FNIP1: variants seen among roughly 807,000 people sequenced by gnomAD.
FNIP1 encodes the protein folliculin interacting protein 1, also known as folliculin-interacting protein 1.
FNIP1 carries 40 observed loss-of-function variants against 124.5 expected under a neutral mutation model. The observed-to-expected ratio is 0.32, with a 90% CI of 0.25 to 0.42. The LOEUF is 0.42. Among genes scored for constraint, FNIP1 ranks in the 10% least tolerant of loss-of-function variants. The pLI is 1.00. For synonymous variants in FNIP1, 472 were observed against 470.6 expected, an observed-to-expected ratio of 1.00 and a Z score of -0.04; for missense variants, 1,176 against 1,403.7, an observed-to-expected ratio of 0.84 and a Z score of 2.59.
chr5:131,707,515 C>CA (rs992630213), intron 8 of FNIP1, among the ~76,000 whole-genome samples: 2 of 152,108 alleles, frequency 1.3e-5, no homozygotes, highest in African/African-American at 2.4e-5. Flanking sequence ...CTGACAAATT[C>CA]AATGATAGAG....
chr5:131,791,535 A>G (rs1165012709), intron 1 of FNIP1, among the ~76,000 whole-genome samples: 1 of 152,266 alleles, frequency 6.6e-6, no homozygotes, highest in Admixed American at 6.5e-5. Flanking sequence ...AATAGGTTAT[A>G]GCAAACTTAC....
At chr5:131,710,421 T>C (rs1769247796) in intron 7 of FNIP1, among the ~76,000 whole-genome samples, 157 bp downstream of exon 7, 1 of 152,214 alleles carries the variant, frequency 6.6e-6, no homozygotes, top group South Asian at 2.1e-4. Flanking sequence ...ACATGTTCAG[T>C]AGAAAAGGAA....
intron 15 of FNIP1, among the ~76,000 whole-genome samples, chr5:131,669,955 AG>A (rs1046547388): frequency 6.6e-6 from 1 of 152,056 alleles, no homozygotes; most frequent in Admixed American, 6.6e-5. Context: ...CGGGGACAAA[AG>A]GCATCCAGAT....
chr5:131,719,409 C>T lies in FNIP1; in HGVS notation c.363G>A (p.Arg121=). The part of the protein sequence containing the change: ...KDQCLKYQGS[R]CSSDANMLGE... ...CAAGCATATTGGCATCAGAAGAGCA[C>T]CGAGAACCCTAAACAATAACCACAT... Residue 121 remains arginine (R), a synonymous_variant, in exon 4 of 18, where the codon CGG becomes CGA. Coordinates refer to ENST00000510461, the MANE Select transcript of FNIP1 (RefSeq NM_133372.3). The T allele has an allele frequency of 1.2e-6, 2 of 1,610,270 alleles. No homozygotes were observed. Among genetic ancestry groups the T allele is most frequent in the Non-Finnish European group, 1.7e-6 (2 of 1,179,040 alleles).
chr5:131,694,882 A>G (rs1768636162), intron 11 of FNIP1, among the ~76,000 whole-genome samples: 2 of 152,144 alleles, frequency 1.3e-5, no homozygotes, highest in South Asian at 4.1e-4. Flanking sequence ...AGGCACACAG[A>G]TCACTTGAGA....
rs763299680 is a variant in FNIP1, at chr5:131,704,342, T to C, written c.915-76A>G. The C allele has an allele frequency of 5.9e-5, 73 of 1,233,544 alleles. No homozygotes were observed. In the Middle Eastern group the frequency reaches 8.4e-4, roughly 14 times the overall value. 76.4% of individuals were successfully genotyped at this position (1,233,544 alleles called of 1,614,324 possible). On this transcript the variant is annotated intron_variant, in intron 9 of 17. Coordinates refer to ENST00000510461, the MANE Select transcript of FNIP1 (RefSeq NM_133372.3). ...CAATTTAATCTTCTTGCTAATTAAA[T>C]GTAGGTAAGCTAAGTCTTTTGCTGT...
At chr5:131,662,655 C>G (rs1443120658) in intron 15 of FNIP1, among the ~76,000 whole-genome samples, 4 of 150,078 alleles carry the variant, frequency 2.7e-5, no homozygotes, top group African/African-American at 7.4e-5. Flanking sequence ...TTTATTGATT[C>G]TTTTCCCTTC....
At chr5:131,777,651 T>A (rs1357305858) in intron 1 of FNIP1, among the ~76,000 whole-genome samples, 1 of 152,252 alleles carries the variant, frequency 6.6e-6, no homozygotes, top group Middle Eastern at 3.2e-3. Flanking sequence ...AATCATTATT[T>A]TGAAAACTGG....
chr5:131,714,422 T>TA (rs975245731), intron 6 of FNIP1, among the ~76,000 whole-genome samples: 7 of 151,902 alleles, frequency 4.6e-5, no homozygotes, highest in Non-Finnish European at 7.4e-5. Context: ...GGCAAACCGT[T>TA]AAAAAAAACA....
chr5:131,684,359 G>A (rs1261672567), intron 11 of FNIP1, among the ~76,000 whole-genome samples: 2 of 152,140 alleles, frequency 1.3e-5, no homozygotes, highest in South Asian at 4.1e-4. Context: ...GCAAGTGGGT[G>A]AATTCTAAAA....
intron 17 of FNIP1, among the ~76,000 whole-genome samples, chr5:131,645,320 A>C (rs936483497): frequency 3.0e-4 from 45 of 151,870 alleles, no homozygotes; most frequent in African/African-American, 1.1e-3. Flanking sequence ...AAAAAAAAAA[A>C]AAAACAAAGA....
intron 1 of FNIP1, among the ~76,000 whole-genome samples, chr5:131,784,688 A>G (rs1473792812): frequency 6.6e-6 from 1 of 151,548 alleles, no homozygotes; most frequent in East Asian, 1.9e-4. Context: ...TGGGCATGGT[A>G]GCTCTTGCCT....
At chr5:131,784,667 TAAA>T (rs1772103208) in intron 1 of FNIP1, among the ~76,000 whole-genome samples, 1 of 150,782 alleles carries the variant, frequency 6.6e-6, no homozygotes, top group African/African-American at 2.4e-5. Context: ...CTACAAAAAA[TAAA>T]AATTAGCTGG....
intron 5 of FNIP1, among the ~76,000 whole-genome samples, chr5:131,718,236 C>T (rs1482979267): frequency 6.6e-6 from 1 of 151,364 alleles, no homozygotes; most frequent in Non-Finnish European, 1.5e-5. Flanking sequence ...CAAAGAGTTA[C>T]AGGTATTAGA....
At chr5:131,736,351 C>A (rs576441123) in intron 2 of FNIP1, among the ~76,000 whole-genome samples, 6 of 152,194 alleles carry the variant, frequency 3.9e-5, no homozygotes, top group Non-Finnish European at 8.8e-5. Flanking sequence ...GGTTAAATAA[C>A]TTCACCAAGG....
chr5:131,766,108 CT>C (rs879730272), intron 1 of FNIP1, among the ~76,000 whole-genome samples: 76 of 144,898 alleles, frequency 5.2e-4, no homozygotes, highest in Middle Eastern at 3.5e-3. Context: ...ACTGCTTTTT[CT>C]TTTTTTTTTT....
At chr5:131,650,915 A>G (rs1443352532) in intron 16 of FNIP1, among the ~76,000 whole-genome samples, 1 of 152,214 alleles carries the variant, frequency 6.6e-6, no homozygotes, top group Non-Finnish European at 1.5e-5. Flanking sequence ...CTGACATGAC[A>G]ATGAGGATCC....
chr5:131,727,660 G>A (rs4706034), intron 3 of FNIP1, among the ~76,000 whole-genome samples: 18,926 of 152,122 alleles, frequency 0.12, 1,548 homozygotes, highest in Non-Finnish European at 0.19. Context: ...CTTAACAGGG[G>A]CATTTAGCCC....
chr5:131,690,747 A>G (rs911043204), intron 11 of FNIP1, among the ~76,000 whole-genome samples: 1 of 152,240 alleles, frequency 6.6e-6, no homozygotes, highest in African/African-American at 2.4e-5. Flanking sequence ...AGGTCAGAAC[A>G]GTGAAAATTA....
Sources: allele counts gnomAD v4.1 joint callset (sites outside exome capture counted in the v4.1 genomes callset), GRCh38; gene constraint gnomAD v4.1.1; transcripts MANE v1.5; gene names NCBI Gene and HGNC (gene_info 2026-07-23, HGNC 2026-07-21).